The following ZNF599 variants were observed in gnomAD, a reference collection of about 807,000 sequenced individuals.
ZNF599 encodes the protein zinc finger protein 599.
A neutral mutation model predicts 11.7 loss-of-function variants in ZNF599; 10 were observed. The observed-to-expected ratio is 0.86, with a 90% CI of 0.53 to 1.45. The LOEUF (loss-of-function observed/expected upper bound fraction) is 1.45, where lower values mean the gene tolerates loss of function less well. Ranked by LOEUF, ZNF599 falls within the 40% of genes most tolerant of loss-of-function variation. The probability of loss-of-function intolerance (pLI) is 0.00; values close to 1 mark genes in which losing one functional copy is unlikely to be tolerated. For missense variants in ZNF599, 688 were observed against 713.6 expected (o/e 0.96, Z 0.41); for synonymous variants, 232 against 253.2 (o/e 0.92, Z 0.79).
rs757706953 is a variant in ZNF599, at chr19:34,759,959, T to C, written c.842A>G (p.Lys281Arg). 1 of 1,614,238 alleles carries C rather than the reference T, an allele frequency of 6.2e-7. No homozygotes were observed. The highest frequency in any genetic ancestry group is 1.1e-5 in the South Asian group (1 of 91,084). The part of the protein sequence containing the change: ...TEHQRIHTGD[K>R]PYECKECGKA... ...GCCACATTCTTTGCACTCATAGGGC[T>C]TATCTCCGGTGTGAATACGCTGGTG... The change falls in exon 4 of 4, where the codon AAG (lysine) becomes AGG (arginine). Residue 281 changes from lysine to arginine, a missense_variant. Coordinates refer to ENST00000329285, the MANE Select transcript of ZNF599 (RefSeq NM_001007248.3).
chr19:34,769,171 G>A (rs2069165422), intron 2 of ZNF599, among the ~76,000 whole-genome samples: 2 of 152,228 alleles, frequency 1.3e-5, no homozygotes, highest in Admixed American at 1.3e-4. Flanking sequence ...TCTTGTGGCA[G>A]TCTGGGATAA....
At position 34,760,023 on chromosome 19, in the gene ZNF599, A is replaced by C; in HGVS notation, c.778T>G (p.Cys260Gly). ...AACCTGCGTTTGAAGGCTTTCCCAC[A>C]CTCAATACACTTGTATGGTTTTTCC... The part of the protein sequence containing the change: ...TGEKPYKCIE[C>G]GKAFKRRFHL... The change falls in exon 4 of 4, where the codon TGT (cysteine) becomes GGT (glycine). Residue 260 changes from cysteine (C) to glycine (G), a missense_variant. Coordinates refer to ENST00000329285, the MANE Select transcript of ZNF599 (RefSeq NM_001007248.3). 6.2e-7 allele frequency: 1 copy of C among 1,614,058 alleles called. No individual in the cohort carries two copies. Among genetic ancestry groups the C allele is most frequent in the Non-Finnish European group, 8.5e-7 (1 of 1,179,984 alleles).
At position 34,769,444 on chromosome 19, in the gene ZNF599, G is replaced by T. The variant is rs751855729; in HGVS notation, c.130C>A (p.Leu44Ile). The T allele has an allele frequency of 2.0e-5, 33 of 1,614,152 alleles. 1 individual carries two copies. In the South Asian group the frequency reaches 3.5e-4, roughly 17 times the overall value. Residue 44 changes from leucine (L) to isoleucine (I), a missense_variant, in exon 2 of 4, where the codon CTC becomes ATC. By Grantham distance (5) the Leu-to-Ile change is conservative. Transcript: ENST00000329285. ...GAGGTCTTACCCAGTGAGACCAGGA[G>T]CCTGCAGGTCTCCAGCATCACCTCC... ...YQEVMLETCR[L>I]LVSLGHPVPK...
chr19:34,799,518 T>A, the ZNF599 span, among the ~76,000 whole-genome samples: 2 of 152,134 alleles, frequency 1.3e-5, no homozygotes, highest in South Asian at 2.1e-4. Flanking sequence ...ATGAAAAAAA[T>A]TTGCAATAGT....
the ZNF599 span, among the ~76,000 whole-genome samples, chr19:34,800,488 C>A: frequency 6.6e-6 from 1 of 151,590 alleles, no homozygotes; most frequent in Non-Finnish European, 1.5e-5. Flanking sequence ...TATCTTCAAG[C>A]TCATTGATTC....
At chr19:34,802,115 G>A in the ZNF599 span, among the ~76,000 whole-genome samples, 4 of 152,200 alleles carry the variant, frequency 2.6e-5, no homozygotes, top group Admixed American at 6.5e-5. Context: ...AGACATGCCA[G>A]TGAAGTGCAC....
upstream of ZNF599, among the ~76,000 whole-genome samples, chr19:34,775,986 C>T (rs1232628042): frequency 1.3e-5 from 2 of 152,122 alleles, no homozygotes; most frequent in Non-Finnish European, 2.9e-5. Context: ...ATATGTTATA[C>T]ATTCCTTCTC....
chr19:34,793,799 C>T, the ZNF599 span, among the ~76,000 whole-genome samples: 1 of 152,132 alleles, frequency 6.6e-6, no homozygotes, highest in African/African-American at 2.4e-5. Context: ...TGCTGGCTAG[C>T]TATATTTATG....
the ZNF599 span, among the ~76,000 whole-genome samples, chr19:34,797,584 A>G: frequency 6.6e-6 from 1 of 152,004 alleles, no homozygotes. Flanking sequence ...GCATTTTTTC[A>G]TGTGTCTTTT....
chr19:34,787,476 A>G, the ZNF599 span, among the ~76,000 whole-genome samples: 1 of 152,246 alleles, frequency 6.6e-6, no homozygotes, highest in Non-Finnish European at 1.5e-5. Context: ...TAGATCATGC[A>G]GGAGGGTTTC....
At chr19:34,805,723 T>C in the ZNF599 span, among the ~76,000 whole-genome samples, 33 of 152,102 alleles carry the variant, frequency 2.2e-4, no homozygotes, top group African/African-American at 8.0e-4. Flanking sequence ...TGTCACCTCA[T>C]TGCTCCTATG....
upstream of ZNF599, chr19:34,773,256 C>G (rs993374652): frequency 9.9e-6 from 2 of 202,664 alleles, no homozygotes; most frequent in African/African-American, 4.6e-5. Context: ...CCCTCTGCGC[C>G]TTCCGTCTAT....
Position 34,759,335 on chromosome 19 carries a change from T to A in ZNF599, c.1466A>T (p.Tyr489Phe). 5.0e-6 allele frequency: 8 copies of A among 1,612,866 alleles called. No homozygotes were observed. The highest frequency in any genetic ancestry group is 5.1e-6 in the Non-Finnish European group (6 of 1,179,714). Residue 489 changes from tyrosine to phenylalanine, a missense_variant, in exon 4 of 4, where the codon TAC becomes TTC. Physicochemically the swap from Tyr to Phe is conservative, Grantham distance 22. Transcript: ENST00000329285. ...GTGTCGAGTGAAGGAAGAGCTATAGTAAAAGGCTTTTGCACATTCTTTGCA... is the reference window on the plus strand; with the variant it reads ...GTGTCGAGTGAAGGAAGAGCTATAGAAAAAGGCTTTTGCACATTCTTTGCA... ...LECKECAKAFYYSSSFTRHMR... is the reference protein window; with the variant it reads ...LECKECAKAFFYSSSFTRHMR...
At chr19:34,775,263 T>G (rs921320472), upstream of ZNF599, among the ~76,000 whole-genome samples, 3 of 152,244 alleles carry the variant, frequency 2.0e-5, no homozygotes, top group African/African-American at 7.2e-5. Flanking sequence ...ATTTACCAAC[T>G]TATGAATGGA....
the ZNF599 span, chr19:34,788,491 A>C: frequency 6.6e-6 from 1 of 152,222 alleles, no homozygotes; most frequent in Non-Finnish European, 1.5e-5. Flanking sequence ...CACATAGCAA[A>C]AGTGTTTTTG....
At chr19:34,786,145 T>G in the ZNF599 span, among the ~76,000 whole-genome samples, 1 of 152,316 alleles carries the variant, frequency 6.6e-6, no homozygotes, top group African/African-American at 2.4e-5. Context: ...ATCAGGCTCC[T>G]TTGAACTCTC....
the ZNF599 span, among the ~76,000 whole-genome samples, chr19:34,780,844 CAAAG>C: frequency 1.3e-5 from 2 of 151,492 alleles, no homozygotes; most frequent in South Asian, 2.1e-4. Context: ...GAAGAAAAGT[CAAAG>C]AAAAGAAAAG....
the ZNF599 span, among the ~76,000 whole-genome samples, chr19:34,796,795 C>T: frequency 1.3e-5 from 2 of 152,094 alleles, no homozygotes; most frequent in Non-Finnish European, 2.9e-5. Context: ...TTAAAAAGGG[C>T]CTCCCATAGT....
the ZNF599 span, among the ~76,000 whole-genome samples, chr19:34,804,021 C>A: frequency 1.3e-4 from 20 of 152,304 alleles, no homozygotes; most frequent in African/African-American, 4.3e-4. Flanking sequence ...TAGTACTTCC[C>A]CAAGACCTCC....
Sources: gnomAD v4.1 joint callset for allele counts (sites outside exome capture counted in the v4.1 genomes callset) on GRCh38, gnomAD v4.1.1 for gene constraint, MANE v1.5 for transcripts, NCBI Gene and HGNC (gene_info 2026-07-23, HGNC 2026-07-21) for gene names.